Variants in PRIM2 observed in about 807,000 individuals in gnomAD.
PRIM2 encodes DNA primase large subunit.
In PRIM2, 39 loss-of-function variants were observed where a neutral mutation model predicts 67.3. The ratio of observed to expected loss-of-function variants is 0.58; its 90% CI spans 0.45 to 0.76. PRIM2 has a LOEUF of 0.76. Ranked by LOEUF, PRIM2 falls within the 30% of genes least tolerant of loss-of-function variation. PRIM2 has a pLI of 0.00. For missense variants in PRIM2, 398 were observed against 598.7 expected (o/e 0.66, Z 3.50); for synonymous variants, 143 against 198.7 (o/e 0.72, Z 2.36).
chr6:57,620,111 G>T, intron 12 of PRIM2, among the ~76,000 whole-genome samples: 1 of 152,176 alleles, frequency 6.6e-6, no homozygotes, highest in Admixed American at 6.5e-5. Flanking sequence ...CAGGAGAATC[G>T]CTTGAACCTG....
the PRIM2 span, among the ~76,000 whole-genome samples, chr6:57,241,846 G>T: frequency 5.4e-5 from 8 of 147,976 alleles, no homozygotes; most frequent in Admixed American, 2.0e-4. Context: ...CTAATTTTTT[G>T]TATTTTTAGT....
the PRIM2 span, among the ~76,000 whole-genome samples, chr6:57,270,926 A>G: frequency 6.6e-6 from 1 of 151,596 alleles, no homozygotes; most frequent in African/African-American, 2.4e-5. Context: ...ATGCTGGATT[A>G]CACTTACTGA....
At chr6:57,323,957 C>T (rs779215149) in intron 3 of PRIM2, among the ~76,000 whole-genome samples, 14 of 151,720 alleles carry the variant, frequency 9.2e-5, no homozygotes, top group Non-Finnish European at 1.9e-4. Flanking sequence ...TGGTGGGTGT[C>T]GCTTGTAGTC....
At chr6:57,395,247 T>A (rs1770483184) in intron 7 of PRIM2, among the ~76,000 whole-genome samples, 1 of 152,210 alleles carries the variant, frequency 6.6e-6, no homozygotes, top group East Asian at 1.9e-4. Context: ...GTACCAATTC[T>A]TCTTTGAATG....
chr6:57,442,859 G>A (rs1005321170), intron 7 of PRIM2, among the ~76,000 whole-genome samples: 5 of 151,910 alleles, frequency 3.3e-5, no homozygotes, highest in African/African-American at 1.2e-4. Context: ...TCATCATGCT[G>A]TGCAAGAGGA....
At chr6:57,252,698 C>T in the PRIM2 span, among the ~76,000 whole-genome samples, 16 of 152,194 alleles carry the variant, frequency 1.1e-4, no homozygotes, top group Admixed American at 2.0e-4. Context: ...GCCTCGGCCT[C>T]CCAAAGTGCT....
intron 10 of PRIM2, among the ~76,000 whole-genome samples, chr6:57,598,158 G>A (rs1303412824): frequency 1.3e-5 from 2 of 152,104 alleles, no homozygotes; most frequent in South Asian, 2.1e-4. Context: ...TTAAAGTATC[G>A]TGTAGGAACA....
Position 57,537,470 on chromosome 6 carries a change from C to T in PRIM2, c.865C>T (p.Arg289Cys), listed in dbSNP as rs1197954070. The T allele has an allele frequency of 1.6e-5, 23 of 1,463,392 alleles. No homozygotes were observed. The highest frequency in any genetic ancestry group is 5.6e-5 in the African/African-American group (4 of 71,476). The allele number at this position is 1,463,392 out of a possible 1,614,324, so 90.7% of individuals were successfully genotyped here. ...TACCAAATCCTTCCCACCTTGCATG[C>T]GTCAGTTACATAAAGCCTTGCGGGA... ...LSTKSFPPCM[R>C]QLHKALRENH... The change falls in exon 10 of 14, where the codon CGT (arginine) becomes TGT (cysteine). Residue 289 changes from arginine (R) to cysteine (C), a missense_variant. Arg to Cys is a radical substitution (Grantham distance 180, BLOSUM62 -3). Coordinates refer to ENST00000615550, the MANE Select transcript of PRIM2 (RefSeq NM_000947.5).
intron 7 of PRIM2, among the ~76,000 whole-genome samples, chr6:57,400,497 G>A (rs2127354960): frequency 6.6e-6 from 1 of 152,214 alleles, no homozygotes; most frequent in East Asian, 1.9e-4. Flanking sequence ...CCCTTTGTAG[G>A]TGACATGTCC....
intron 7 of PRIM2, among the ~76,000 whole-genome samples, chr6:57,500,697 G>A (rs1247445528): frequency 4.8e-4 from 73 of 152,298 alleles, no homozygotes; most frequent in Non-Finnish European, 4.1e-4. Flanking sequence ...ATTCCACATT[G>A]AAGATGTAAC....
intron 10 of PRIM2, among the ~76,000 whole-genome samples, chr6:57,588,490 G>A (rs1776233422): frequency 6.6e-6 from 1 of 150,964 alleles, no homozygotes; most frequent in Admixed American, 6.6e-5. Context: ...TTGCTTCTCT[G>A]GAGGAAAATA....
At chr6:57,349,886 T>C (rs186105080) in intron 5 of PRIM2, among the ~76,000 whole-genome samples, 1 of 152,214 alleles carries the variant, frequency 6.6e-6, no homozygotes, top group African/African-American at 2.4e-5. Context: ...TATTTTCCTA[T>C]TTTTTGTAAA....
the PRIM2 span, among the ~76,000 whole-genome samples, chr6:57,229,882 T>A: frequency 7.8e-5 from 1 of 12,744 alleles, no homozygotes; most frequent in South Asian, 8.2e-3. Context: ...TCGATGACTC[T>A]CCCTCATGCC....
At chr6:57,445,382 G>C (rs1335556805) in intron 7 of PRIM2, among the ~76,000 whole-genome samples, 2 of 152,082 alleles carry the variant, frequency 1.3e-5, no homozygotes, top group Non-Finnish European at 2.9e-5. Context: ...CTTGCATCTT[G>C]GAGTTGTTTG....
intron 5 of PRIM2, among the ~76,000 whole-genome samples, chr6:57,343,090 A>G (rs1768544678): frequency 6.6e-6 from 1 of 152,190 alleles, no homozygotes; most frequent in African/African-American, 2.4e-5. Flanking sequence ...TAACATTGGA[A>G]CATTGAGTTT....
intron 7 of PRIM2, among the ~76,000 whole-genome samples, chr6:57,455,431 G>T (rs1459879667): frequency 6.6e-6 from 1 of 152,136 alleles, no homozygotes; most frequent in African/African-American, 2.4e-5. Flanking sequence ...AAGTCTCTTT[G>T]TAGGTCTCTA....
chr6:57,520,092 G>T (rs1312392557), intron 8 of PRIM2, among the ~76,000 whole-genome samples: 1 of 152,158 alleles, frequency 6.6e-6, no homozygotes, highest in Non-Finnish European at 1.5e-5. Flanking sequence ...CTGAAGTGGC[G>T]TATAAGGAAA....
Position 57,369,431 on chromosome 6 carries a change from C to T in PRIM2, c.460-10470C>T, listed in dbSNP as rs1307426985. Among the ~76,000 whole-genome samples, 16 of 152,088 alleles carry T rather than the reference C, an allele frequency of 1.1e-4. 1 individual carries two copies. Among genetic ancestry groups the T allele is most frequent in the Middle Eastern group, 3.2e-3 (1 of 316 alleles). On this transcript the variant is annotated intron_variant, in intron 5 of 13. Coordinates refer to ENST00000615550, the MANE Select transcript of PRIM2 (RefSeq NM_000947.5). The stretch of plus-strand genomic sequence containing the variant: ...ATTTTTACTTGATAAAAAACTATAC[C>T]GTTATACCATGTGCTACCATTTGAA...
At chr6:57,296,610 G>T in the PRIM2 span, among the ~76,000 whole-genome samples, 1 of 151,830 alleles carries the variant, frequency 6.6e-6, no homozygotes, top group Admixed American at 6.6e-5. Flanking sequence ...GTAGTGGGTG[G>T]TGGTGGTGGT....
Sources: allele counts gnomAD v4.1 joint callset (sites outside exome capture counted in the v4.1 genomes callset), GRCh38; gene constraint gnomAD v4.1.1; transcripts MANE v1.5; gene names NCBI Gene and HGNC (gene_info 2026-07-23, HGNC 2026-07-21).